The following PCDHA5 variants were observed in gnomAD, a reference collection of about 807,000 sequenced individuals.
The protein encoded by PCDHA5 is protocadherin alpha 5.
A neutral mutation model predicts 61.6 loss-of-function variants in PCDHA5; 43 were observed. The ratio of observed to expected loss-of-function variants is 0.70; its 90% CI spans 0.55 to 0.90. The LOEUF is 0.90. Among genes scored for constraint, PCDHA5 ranks in the 40% least tolerant of loss-of-function variants. The probability of loss-of-function intolerance (pLI) is 0.00; values close to 1 mark genes in which losing one functional copy is unlikely to be tolerated. For synonymous variants in PCDHA5, 627 were observed against 543.9 expected (o/e 1.15, Z -2.13); for missense variants, 1,298 against 1,222.7 (o/e 1.06, Z -0.92).
At chr5:140,862,912 C>T (rs1554157229) in intron 1 of PCDHA5, 1 of 550,038 alleles carries the variant, frequency 1.8e-6, no homozygotes, top group Non-Finnish European at 3.5e-6. Flanking sequence ...GCTGCTGGCG[C>T]CTTGGGTGGG....
intron 1 of PCDHA5, among the ~76,000 whole-genome samples, chr5:140,947,310 A>G (rs1554218156): frequency 6.6e-6 from 1 of 151,620 alleles, no homozygotes; most frequent in Admixed American, 6.6e-5. Flanking sequence ...ATCTTTGTAA[A>G]AAGTCGGTTG....
chr5:140,825,124 C>T (rs1214733618), intron 1 of PCDHA5: 1 of 151,608 alleles, frequency 6.6e-6, no homozygotes, highest in African/African-American at 2.4e-5. Context: ...TTCCCTACCC[C>T]CTTAAAAAAC....
chr5:140,830,232 C>G (rs782042680), intron 1 of PCDHA5: 1 of 1,613,810 alleles, frequency 6.2e-7, no homozygotes, highest in African/African-American at 1.3e-5. Context: ...CTGGTCCTCA[C>G]GCTACTGCTG....
At chr5:140,930,013 G>A (rs2086530432) in intron 1 of PCDHA5, 1 of 152,118 alleles carries the variant, frequency 6.6e-6, no homozygotes, top group Admixed American at 6.5e-5. Context: ...ATAGCTGATA[G>A]CTCCATAGCA....
chr5:140,960,708 T>C (rs578004240), intron 1 of PCDHA5, among the ~76,000 whole-genome samples: 1 of 152,142 alleles, frequency 6.6e-6, no homozygotes, highest in Non-Finnish European at 1.5e-5. Context: ...TAGTGCCAAA[T>C]ACTCATCTTA....
At chr5:140,863,062 G>T (rs62384481) in intron 1 of PCDHA5, 19 of 565,590 alleles carry the variant, frequency 3.4e-5, no homozygotes, top group Non-Finnish European at 5.9e-5. Flanking sequence ...CCCGTTCCAC[G>T]TGGGGCTCTG....
intron 1 of PCDHA5, chr5:140,871,457 GGGAAAGACA>G (rs782304525): frequency 6.2e-7 from 1 of 1,605,688 alleles, no homozygotes; most frequent in Non-Finnish European, 8.5e-7. Flanking sequence ...GAGGAGGAAG[GGGAAAGACA>G]GGAGCCAGGG....
chr5:140,935,550 C>G (rs1419018426), intron 1 of PCDHA5, among the ~76,000 whole-genome samples: 2 of 152,156 alleles, frequency 1.3e-5, no homozygotes, highest in African/African-American at 4.8e-5. Flanking sequence ...TTTAAAGTAT[C>G]TTGGAAAAGT....
intron 1 of PCDHA5, chr5:140,842,575 G>A (rs2150339697): frequency 6.6e-7 from 1 of 1,509,128 alleles, no homozygotes; most frequent in South Asian, 1.2e-5. Flanking sequence ...GCGAGAGAGT[G>A]TCGGCCTATG....
chr5:140,836,455 C>G, intron 1 of PCDHA5: 1 of 1,613,840 alleles, frequency 6.2e-7, no homozygotes, highest in Non-Finnish European at 8.5e-7. Flanking sequence ...GGCCCAGAGA[C>G]CGAGCTGGTG....
At chr5:140,842,434 A>C (rs2150336134) in intron 1 of PCDHA5, 2 of 1,613,586 alleles carry the variant, frequency 1.2e-6, no homozygotes, top group Non-Finnish European at 8.5e-7. Flanking sequence ...TCATCGCCCT[A>C]ATTAGCGTGA....
intron 3 of PCDHA5, among the ~76,000 whole-genome samples, chr5:140,998,786 A>G (rs1210415944): frequency 1.3e-5 from 2 of 152,026 alleles, no homozygotes; most frequent in African/African-American, 4.8e-5. Flanking sequence ...CTGGTCTGGA[A>G]CCCCTGACCT....
chr5:140,833,779 T>C (rs1330843349), intron 1 of PCDHA5, among the ~76,000 whole-genome samples: 1 of 152,042 alleles, frequency 6.6e-6, no homozygotes, highest in Non-Finnish European at 1.5e-5. Flanking sequence ...GCTTTCTAAG[T>C]TTCTCTTTCA....
intron 1 of PCDHA5, among the ~76,000 whole-genome samples, chr5:140,923,505 G>C (rs1281972725): frequency 6.6e-6 from 1 of 152,118 alleles, no homozygotes; most frequent in East Asian, 1.9e-4. Context: ...CTCCAGCCTG[G>C]ATGATGAAGT....
chr5:140,869,056 GTAC>G, intron 1 of PCDHA5: 2 of 1,549,424 alleles, frequency 1.3e-6, no homozygotes, highest in Non-Finnish European at 1.7e-6. Flanking sequence ...GAAGAATCTG[GTAC>G]TGTAAGTGTA....
At chr5:140,909,269 A>G (rs1554193726) in intron 1 of PCDHA5, among the ~76,000 whole-genome samples, 1 of 152,240 alleles carries the variant, frequency 6.6e-6, no homozygotes, top group Admixed American at 6.5e-5. Context: ...CTGAAGGCAA[A>G]TTGCTTCTGG....
intron 1 of PCDHA5, chr5:140,842,500 C>T: frequency 1.9e-6 from 3 of 1,613,834 alleles, no homozygotes; most frequent in Middle Eastern, 1.6e-4. Context: ...TGCCCCATGT[C>T]CCCTTCAAGC....
chr5:141,001,253 C>G (rs896546841), intron 3 of PCDHA5, among the ~76,000 whole-genome samples: 1 of 152,078 alleles, frequency 6.6e-6, no homozygotes, highest in East Asian at 1.9e-4. Context: ...CCCTATGGGG[C>G]GGGCACTCTT....
chr5:140,842,533 C>T, intron 1 of PCDHA5: 2 of 1,613,062 alleles, frequency 1.2e-6, no homozygotes, highest in Non-Finnish European at 1.7e-6. Context: ...TCAAGAATTA[C>T]TACTCGTTGG....
Sources: gnomAD v4.1 joint callset for allele counts (sites outside exome capture counted in the v4.1 genomes callset) on GRCh38, gnomAD v4.1.1 for gene constraint, MANE v1.5 for transcripts, NCBI Gene and HGNC (gene_info 2026-07-23, HGNC 2026-07-21) for gene names.